MOB3B: variants seen among roughly 807,000 people sequenced by gnomAD.
MOB3B encodes MOB kinase activator-like 2B.
MOB3B carries 7 observed loss-of-function variants against 18.7 expected under a neutral mutation model. The observed-to-expected ratio is 0.37, with a 90% confidence interval of 0.21 to 0.70. The LOEUF is 0.70. Among genes scored for constraint, MOB3B ranks in the 30% least tolerant of loss-of-function variants. MOB3B has a pLI of 0.52. For missense variants in MOB3B, 253 were observed against 281.3 expected (o/e 0.90, Z 0.72); for synonymous variants, 111 against 99.9 (o/e 1.11, Z -0.66).
At chr9:27,485,522 T>C (rs1479476930) in intron 1 of MOB3B, among the ~76,000 whole-genome samples, 1 of 152,238 alleles carries the variant, frequency 6.6e-6, no homozygotes, top group East Asian at 1.9e-4. Context: ...TGATTCTGTC[T>C]CTGGAATGTC....
chr9:27,378,799 G>A, intron 2 of MOB3B: 1 of 395,916 alleles, frequency 2.5e-6, no homozygotes, highest in South Asian at 2.0e-5. Flanking sequence ...AAGACTGGAA[G>A]GATAGGGCTC....
chr9:27,357,144 A>ATATATATATATATATATATATG (rs1486801059), intron 3 of MOB3B, among the ~76,000 whole-genome samples: 10 of 80,968 alleles, frequency 1.2e-4, no homozygotes, highest in South Asian at 4.1e-4. Flanking sequence ...ATATATATAT[A>ATATATATATATATATATATATG]TGTGTTTTTT....
intron 3 of MOB3B, among the ~76,000 whole-genome samples, chr9:27,340,266 A>T (rs1015377081): frequency 6.6e-6 from 1 of 152,236 alleles, no homozygotes; most frequent in East Asian, 1.9e-4. Context: ...ATGGCTAGAT[A>T]AACACACACA....
chr9:27,334,188 C>G (rs1052957426), intron 3 of MOB3B, among the ~76,000 whole-genome samples: 2 of 152,046 alleles, frequency 1.3e-5, no homozygotes, highest in African/African-American at 4.8e-5. Flanking sequence ...ATGGTTTGAT[C>G]CAGTTATTTT....
intron 2 of MOB3B, chr9:27,421,157 C>G (rs1376478915): frequency 2.6e-5 from 4 of 152,384 alleles, no homozygotes; most frequent in East Asian, 1.9e-4. Flanking sequence ...ATGGTGCAAA[C>G]TCAGCTCACT....
chr9:27,509,076 G>A (rs183700547), intron 1 of MOB3B, among the ~76,000 whole-genome samples: 2 of 152,310 alleles, frequency 1.3e-5, no homozygotes, highest in East Asian at 3.9e-4. Context: ...ACTCTCCAGT[G>A]TACCATGCCA....
At chr9:27,396,609 A>C (rs1821803875) in intron 2 of MOB3B, among the ~76,000 whole-genome samples, 1 of 152,028 alleles carries the variant, frequency 6.6e-6, no homozygotes, top group African/African-American at 2.4e-5. Context: ...TTGACTATCT[A>C]CCACTATTTC....
At position 27,391,194 on chromosome 9, in the gene MOB3B, G is replaced by A. The variant is rs74901401; in HGVS notation, c.419-31958C>T. ...GGGAAGAAGAGAGCTTTGGTTAAAT[G>A]TACCACGTTCACAGGATGGTGTTTG... On this transcript the variant is annotated intron_variant, in intron 2 of 3. Coordinates refer to ENST00000262244, the MANE Select transcript of MOB3B (RefSeq NM_024761.5). Among the ~76,000 whole-genome samples, 522 of 152,330 alleles carry A rather than the reference G, an allele frequency of 3.4e-3. 1 individual carries two copies. Among genetic ancestry groups the A allele is most frequent in the African/African-American group, 0.011 (465 of 41,570 alleles).
chr9:27,362,723 C>T (rs1342931025), intron 2 of MOB3B, among the ~76,000 whole-genome samples: 2 of 152,172 alleles, frequency 1.3e-5, no homozygotes, highest in Non-Finnish European at 2.9e-5. Context: ...GGGTTCTCTG[C>T]TGAGTCAAAG....
chr9:27,473,866 C>A (rs1455554290), intron 1 of MOB3B, among the ~76,000 whole-genome samples: 1 of 152,198 alleles, frequency 6.6e-6, no homozygotes, highest in East Asian at 1.9e-4. Flanking sequence ...CAAATTCTAA[C>A]CTCCAATGTG....
intron 3 of MOB3B, among the ~76,000 whole-genome samples, chr9:27,351,147 C>A (rs1821099826): frequency 6.6e-6 from 1 of 152,200 alleles, no homozygotes. Context: ...AGGTGATCCA[C>A]CCGCCTAGGC....
intron 2 of MOB3B, among the ~76,000 whole-genome samples, chr9:27,416,154 T>TA (rs1425899330): frequency 6.6e-6 from 1 of 152,182 alleles, no homozygotes; most frequent in Non-Finnish European, 1.5e-5. Flanking sequence ...TCTGAATAAC[T>TA]ACAGTTTAAT....
chr9:27,518,765 T>C (rs1820278784), intron 1 of MOB3B, among the ~76,000 whole-genome samples: 2 of 151,302 alleles, frequency 1.3e-5, no homozygotes, highest in South Asian at 4.2e-4. Context: ...CAAAAGGGGG[T>C]GGTGGAGAGG....
chr9:27,480,650 A>G (rs896794311), intron 1 of MOB3B, among the ~76,000 whole-genome samples: 2 of 152,050 alleles, frequency 1.3e-5, no homozygotes, highest in Non-Finnish European at 2.9e-5. Context: ...CATGTTGGCC[A>G]GGATGGTCTT....
intron 2 of MOB3B, among the ~76,000 whole-genome samples, chr9:27,427,716 T>G (rs1013814645): frequency 7.2e-5 from 11 of 152,224 alleles, no homozygotes; most frequent in African/African-American, 2.4e-4. Flanking sequence ...GAATCTGTGT[T>G]TCAATACTGA....
chr9:27,476,987 C>T (rs1819562782), intron 1 of MOB3B, among the ~76,000 whole-genome samples: 1 of 152,164 alleles, frequency 6.6e-6, no homozygotes, highest in African/African-American at 2.4e-5. Context: ...TCCGCTCACC[C>T]TCCTCCCTCC....
intron 1 of MOB3B, among the ~76,000 whole-genome samples, chr9:27,514,143 C>G (rs1471143441): frequency 6.6e-6 from 1 of 152,044 alleles, no homozygotes; most frequent in Non-Finnish European, 1.5e-5. Flanking sequence ...ATGGCTCTTT[C>G]CACATGGTGA....
chr9:27,423,146 G>A (rs11791750), intron 2 of MOB3B, among the ~76,000 whole-genome samples: 78,693 of 151,900 alleles, frequency 0.52, 20,819 homozygotes, highest in Non-Finnish European at 0.56. Flanking sequence ...TTAGGCACTG[G>A]CCTTGCCTGT....
intron 1 of MOB3B, among the ~76,000 whole-genome samples, chr9:27,528,832 G>A (rs376224140): frequency 1.3e-5 from 2 of 152,174 alleles, no homozygotes; most frequent in African/African-American, 4.8e-5. Flanking sequence ...GGCACCAGGG[G>A]TCGGCGCTTT....
Sources: allele counts gnomAD v4.1 joint callset (sites outside exome capture counted in the v4.1 genomes callset), GRCh38; gene constraint gnomAD v4.1.1; transcripts MANE v1.5; gene names NCBI Gene and HGNC (gene_info 2026-07-23, HGNC 2026-07-21).